RIMS2: variants seen among roughly 807,000 people sequenced by gnomAD.
The protein encoded by RIMS2 is regulating synaptic membrane exocytosis 2, also known as regulating synaptic membrane exocytosis protein 2.
A neutral mutation model predicts 174.4 loss-of-function variants in RIMS2; 59 were observed. That is an observed-to-expected ratio of 0.34 (90% confidence interval 0.27 to 0.42). The LOEUF (loss-of-function observed/expected upper bound fraction) is 0.42, where lower values mean the gene tolerates loss of function less well. Ranked by LOEUF, RIMS2 falls within the 10% of genes least tolerant of loss-of-function variation. The pLI is 1.00. For synonymous variants in RIMS2, 606 were observed against 572.5 expected, an observed-to-expected ratio of 1.06 and a Z score of -0.84; for missense variants, 1,620 against 1,666.3, an observed-to-expected ratio of 0.97 and a Z score of 0.48.
chr8:103,885,315 T>C, exon 4 of RIMS2: 1 of 1,581,790 alleles, frequency 6.3e-7, no homozygotes, highest in Non-Finnish European at 8.6e-7. Context: ...AGCCCATCTG[T>C]GTCCAGAGAT....
At chr8:104,207,544 A>G (rs2099086109) in intron 19 of RIMS2, among the ~76,000 whole-genome samples, 1 of 152,018 alleles carries the variant, frequency 6.6e-6, no homozygotes, top group African/African-American at 2.4e-5. Flanking sequence ...AGTGGCTCAC[A>G]CCTGTAATCC....
intron 3 of RIMS2, among the ~76,000 whole-genome samples, chr8:103,832,399 A>C (rs562972962): frequency 4.6e-5 from 7 of 152,116 alleles, no homozygotes; most frequent in Non-Finnish European, 8.8e-5. Context: ...CTTTTATTTT[A>C]AGTTCAGGGG....
chr8:103,608,632 C>G (rs1339090949), intron 1 of RIMS2, among the ~76,000 whole-genome samples: 2 of 151,082 alleles, frequency 1.3e-5, no homozygotes, highest in East Asian at 3.9e-4. Context: ...GCTGTGCTAG[C>G]AATCAGCGAG....
chr8:103,580,445 A>ATGTGTGTG (rs35882328), intron 1 of RIMS2, among the ~76,000 whole-genome samples: 2 of 149,656 alleles, frequency 1.3e-5, no homozygotes, highest in African/African-American at 4.9e-5. Context: ...ATATGTGTGC[A>ATGTGTGTG]TGTGTGTGTG....
At chr8:103,538,760 G>A (rs1841098932) in intron 1 of RIMS2, among the ~76,000 whole-genome samples, 1 of 152,122 alleles carries the variant, frequency 6.6e-6, no homozygotes, top group Admixed American at 6.6e-5. Flanking sequence ...ACCCGCCTTG[G>A]CCTCCCAAAG....
chr8:104,162,066 A>G (rs960857910), intron 19 of RIMS2, among the ~76,000 whole-genome samples: 3 of 152,192 alleles, frequency 2.0e-5, no homozygotes, highest in African/African-American at 7.2e-5. Flanking sequence ...CCCTATTTTA[A>G]GGTTCATTAC....
chr8:103,619,455 G>A (rs893408007), intron 1 of RIMS2, among the ~76,000 whole-genome samples: 4 of 151,868 alleles, frequency 2.6e-5, no homozygotes, highest in African/African-American at 9.7e-5. Flanking sequence ...TAAATATTTG[G>A]AATATTGGGG....
chr8:103,595,879 T>C (rs983596222), intron 1 of RIMS2, among the ~76,000 whole-genome samples: 1 of 152,012 alleles, frequency 6.6e-6, no homozygotes, highest in Non-Finnish European at 1.5e-5. Flanking sequence ...TTTTTTTTCC[T>C]ATGAATAAAC....
chr8:104,075,924 C>T (rs914584992), intron 19 of RIMS2, among the ~76,000 whole-genome samples: 1 of 152,178 alleles, frequency 6.6e-6, no homozygotes, highest in African/African-American at 2.4e-5. Context: ...CTTCCTGGCC[C>T]CAAACCAGGC....
intron 16 of RIMS2, 156 bp downstream of exon 18, chr8:103,975,662 T>C: frequency 1.9e-6 from 1 of 538,006 alleles, no homozygotes; most frequent in East Asian, 3.1e-5. Context: ...ATAGAATTTC[T>C]GCAAGCTGGG....
chr8:103,623,647 G>A (rs903707037), intron 1 of RIMS2, among the ~76,000 whole-genome samples: 1 of 145,984 alleles, frequency 6.9e-6, no homozygotes, highest in Non-Finnish European at 1.5e-5. Context: ...ACCACGCCCG[G>A]CTAATTTTTT....
In RIMS2 at chr8:103,556,989, T is replaced by A. The variant is rs377415576; in HGVS notation, c.176+55927T>A. On this transcript the variant is annotated intron_variant, in intron 1 of 23. Coordinates refer to ENST00000504942, the Ensembl canonical transcript of RIMS2. Reference sequence around the variant, plus strand: ...GTTAAAACAACTGATTTAGGAAAGATAATTTTAGAATATAATCAACTTGAA... The same window carrying A: ...GTTAAAACAACTGATTTAGGAAAGAAAATTTTAGAATATAATCAACTTGAA... 1.9e-4 allele frequency among the ~76,000 whole-genome samples: 29 copies of A among 152,308 alleles called. 1 individual carries two copies. In the East Asian group the frequency reaches 4.8e-3, roughly 25 times the overall value.
At chr8:103,621,579 T>C (rs1328410762) in intron 1 of RIMS2, among the ~76,000 whole-genome samples, 2 of 152,244 alleles carry the variant, frequency 1.3e-5, no homozygotes, top group East Asian at 3.8e-4. Flanking sequence ...GATTTCTTTA[T>C]TACGTCTAGC....
rs1554843404 is a variant in RIMS2 at position 103,812,342 on chromosome 8, T to TTG, written c.698+45806_698+45807insGT. Among the ~76,000 whole-genome samples the TTG allele has an allele frequency of 7.4e-3, 841 of 113,330 alleles. 14 individuals are homozygous for TTG. The highest frequency in any genetic ancestry group is 0.024 in the African/African-American group (791 of 32,792). 74.3% of individuals were successfully genotyped at this position (113,330 alleles called of 152,430 possible). ...TACCTTATTACCTTGTTTTTTTTTT[T>TTG]TTTTTTTTTTTTGTTGTTGTTTTTG... is the stretch of plus-strand genomic sequence containing the variant. On this transcript the variant is annotated intron_variant, in intron 3 of 23. Coordinates refer to ENST00000504942, the Ensembl canonical transcript of RIMS2.
chr8:104,012,487 TA>T (rs2095795493), intron 17 of RIMS2, among the ~76,000 whole-genome samples: 1 of 152,074 alleles, frequency 6.6e-6, no homozygotes, highest in East Asian at 1.9e-4. Context: ...CTATATTATA[TA>T]AGCATTTCCA....
At chr8:103,830,723 A>G (rs190099356) in intron 3 of RIMS2, among the ~76,000 whole-genome samples, 1 of 152,312 alleles carries the variant, frequency 6.6e-6, no homozygotes, top group East Asian at 1.9e-4. Flanking sequence ...AACTGTGATT[A>G]TAGAATTTAT....
intron 4 of RIMS2, among the ~76,000 whole-genome samples, chr8:103,907,874 T>G (rs1355340539): frequency 6.6e-6 from 1 of 151,312 alleles, no homozygotes; most frequent in Admixed American, 6.6e-5. Context: ...GCCTCCTGAA[T>G]AGCTGGGACT....
chr8:103,964,178 G>A (rs574545587), intron 15 of RIMS2, among the ~76,000 whole-genome samples: 61 of 152,246 alleles, frequency 4.0e-4, no homozygotes, highest in African/African-American at 1.3e-3. Context: ...ACTCCTTTTC[G>A]CAAACGCCAA....
At chr8:104,112,668 GT>G (rs1324047293) in intron 19 of RIMS2, among the ~76,000 whole-genome samples, 1 of 152,142 alleles carries the variant, frequency 6.6e-6, no homozygotes, top group Non-Finnish European at 1.5e-5. Context: ...AAGAACTTGT[GT>G]TTCAGGCATG....
Sources: gnomAD v4.1 joint callset for allele counts (sites outside exome capture counted in the v4.1 genomes callset) on GRCh38, gnomAD v4.1.1 for gene constraint, MANE v1.5 for transcripts, NCBI Gene and HGNC (gene_info 2026-07-23, HGNC 2026-07-21) for gene names.